SLC9C2: variants seen among roughly 807,000 people sequenced by gnomAD.
The protein encoded by SLC9C2 is sodium/hydrogen exchanger 11.
In SLC9C2, 75 loss-of-function variants were observed where a neutral mutation model predicts 140.2. That is an observed-to-expected ratio of 0.53 (90% CI 0.44 to 0.65). SLC9C2 has a LOEUF of 0.65. SLC9C2 is among the 30% of genes least tolerant of loss of function. The pLI, the probability that SLC9C2 is intolerant of heterozygous loss-of-function variation, is 0.00. For synonymous variants in SLC9C2, 375 were observed against 420.9 expected, an observed-to-expected ratio of 0.89 and a Z score of 1.34; for missense variants, 1,074 against 1,331.8, an observed-to-expected ratio of 0.81 and a Z score of 3.01.
chr1:173,501,151 C>A, intron 27 of SLC9C2, 54 bp from the exon 28 acceptor site: 1 of 1,467,492 alleles, frequency 6.8e-7, no homozygotes, highest in Non-Finnish European at 9.1e-7. Context: ...TCAGGAAAAA[C>A]TTCTTACCTA....
rs1313526475 is a variant in SLC9C2, at chr1:173,533,792, T to C, written c.1980A>G (p.Ile660Met). ...LYVLESTLKI[I>M]ILKRKYFQQC... ...GTTGAAAATATTTCCTTTTCAAAATTATTATCTGTACAGAAAACAAATGTC... is the reference window on the plus strand; with the variant it reads ...GTTGAAAATATTTCCTTTTCAAAATCATTATCTGTACAGAAAACAAATGTC... Residue 660 changes from isoleucine to methionine, a missense_variant, in exon 17 of 28, where the codon ATA becomes ATG. Transcript: ENST00000367714. 6.2e-7 allele frequency: 1 copy of C among 1,601,878 alleles called. No homozygotes were observed. Among genetic ancestry groups the C allele is most frequent in the African/African-American group, 1.3e-5 (1 of 74,308 alleles).
In SLC9C2 at chr1:173,548,416, T is replaced by G. The variant is rs950605603; in HGVS notation, c.1434A>C (p.Glu478Asp). Reference protein sequence around the residue: ...ILTNVNWTLVEDKTRIEYIPF... With the variant: ...ILTNVNWTLVDDKTRIEYIPF... ...GAATGTATTCGATCCTCGTTTTATC[T>G]TCTACTAAGGTCCAGTTAACATTTG... The change falls in exon 12 of 28, where the codon GAA becomes GAC. Residue 478 changes from glutamate to aspartate, a missense_variant. Glu to Asp is a conservative substitution (Grantham distance 45, BLOSUM62 2). Transcript: ENST00000367714. 15 of 1,613,290 alleles carry G rather than the reference T, an allele frequency of 9.3e-6. No homozygotes were observed. In the South Asian group the frequency reaches 1.5e-4, roughly 17 times the overall value.
At chr1:173,531,291 A>G (rs1661566109) in intron 17 of SLC9C2, among the ~76,000 whole-genome samples, 1 of 152,254 alleles carries the variant, frequency 6.6e-6, no homozygotes, top group Non-Finnish European at 1.5e-5. Context: ...TGACTAGTTC[A>G]GAACATTGCT....
intron 5 of SLC9C2, among the ~76,000 whole-genome samples, chr1:173,584,139 A>G (rs1308729519): frequency 6.6e-6 from 1 of 152,202 alleles, no homozygotes; most frequent in Non-Finnish European, 1.5e-5. Context: ...TATATGTGAT[A>G]TATCCCTAAA....
intron 19 of SLC9C2, among the ~76,000 whole-genome samples, chr1:173,525,719 A>G (rs1661146576): frequency 6.6e-6 from 1 of 152,232 alleles, no homozygotes; most frequent in Non-Finnish European, 1.5e-5. Context: ...TGCAGTAACC[A>G]CATGGAAACA....
At chr1:173,541,928 C>T (rs1662459955) in intron 13 of SLC9C2, among the ~76,000 whole-genome samples, 1 of 151,914 alleles carries the variant, frequency 6.6e-6, no homozygotes, top group African/African-American at 2.4e-5. Context: ...AAATCAATAC[C>T]CTAACATCAC....
chr1:173,540,898 A>T (rs1662347537), intron 13 of SLC9C2, among the ~76,000 whole-genome samples: 1 of 152,208 alleles, frequency 6.6e-6, no homozygotes, highest in Admixed American at 6.5e-5. Context: ...TAAAGACCAA[A>T]ACATGCCAAA....
intron 4 of SLC9C2, among the ~76,000 whole-genome samples, chr1:173,592,737 G>A (rs1231436466): frequency 1.3e-5 from 2 of 152,126 alleles, no homozygotes; most frequent in African/African-American, 4.8e-5. Flanking sequence ...TTATTTATCA[G>A]CTGAAGGAGA....
chr1:173,517,819 G>T (rs1660524189), intron 22 of SLC9C2, 115 bp from the exon 23 acceptor site: 2 of 871,010 alleles, frequency 2.3e-6, no homozygotes, highest in East Asian at 5.9e-5. Flanking sequence ...AAGATCTCCT[G>T]TCAGGTGTGA....
chr1:173,573,522 A>G (rs903659242), intron 8 of SLC9C2, among the ~76,000 whole-genome samples, 197 bp from the exon 9 acceptor site: 11 of 152,236 alleles, frequency 7.2e-5, no homozygotes, highest in Middle Eastern at 6.8e-3. Flanking sequence ...CATTACCTTC[A>G]TCACACCAAT....
intron 9 of SLC9C2, among the ~76,000 whole-genome samples, chr1:173,568,503 A>ATTACATT (rs1558075113): frequency 6.6e-6 from 1 of 152,108 alleles, no homozygotes; most frequent in Non-Finnish European, 1.5e-5. Flanking sequence ...GTGTATATGT[A>ATTACATT]TTACATTTTC....
chr1:173,583,144 T>A (rs899634209), intron 6 of SLC9C2, among the ~76,000 whole-genome samples: 10 of 152,230 alleles, frequency 6.6e-5, no homozygotes, highest in African/African-American at 2.2e-4. Flanking sequence ...TAAAATAGCA[T>A]ATTATTTGCA....
intron 4 of SLC9C2, among the ~76,000 whole-genome samples, chr1:173,597,588 G>T (rs1445009607): frequency 6.6e-6 from 1 of 152,070 alleles, no homozygotes; most frequent in Non-Finnish European, 1.5e-5. Flanking sequence ...TCAGATGTGG[G>T]ACTAGAATCC....
chr1:173,548,408 GTT>G lies in SLC9C2; in HGVS notation c.1440_1441del (p.Lys480AsnfsTer14). On this transcript the variant is annotated frameshift_variant, in exon 12 of 28. Coordinates refer to ENST00000367714, the MANE Select transcript of SLC9C2 (RefSeq NM_178527.4). LOFTEE classifies it high-confidence loss of function. ...ACTCACAGGAATGTATTCGATCCTC[GTT>G]TTATCTTCTACTAAGGTCCAGTTAA... The G allele has an allele frequency of 6.2e-7, 1 of 1,612,676 alleles. No homozygotes were observed.
intron 7 of SLC9C2, among the ~76,000 whole-genome samples, chr1:173,579,783 T>C (rs1485987367): frequency 2.0e-5 from 3 of 152,228 alleles, no homozygotes; most frequent in African/African-American, 2.4e-5. Context: ...GCATAAGGAA[T>C]TCATACTGCT....
intron 15 of SLC9C2, among the ~76,000 whole-genome samples, chr1:173,535,622 C>G (rs1483567108): frequency 6.6e-6 from 1 of 152,166 alleles, no homozygotes; most frequent in South Asian, 2.1e-4. Context: ...TATGAACATC[C>G]TTTTTCCCTT....
intron 9 of SLC9C2, among the ~76,000 whole-genome samples, chr1:173,564,406 C>G (rs1664313302): frequency 6.6e-6 from 1 of 152,132 alleles, no homozygotes; most frequent in African/African-American, 2.4e-5. Flanking sequence ...TAACTGGGAT[C>G]AGATGATATC....
chr1:173,566,073 A>G (rs1376706421), intron 9 of SLC9C2, among the ~76,000 whole-genome samples: 1 of 151,952 alleles, frequency 6.6e-6, no homozygotes, highest in Non-Finnish European at 1.5e-5. Context: ...TTGTTGAATT[A>G]TGTTTGCTTA....
In SLC9C2 at chr1:173,595,544, C is replaced by T. The variant is rs192012531; in HGVS notation, c.357+2360G>A. ...TACATAAGCCTATTGCCATACCAAA[C>T]GAAAAATTTTAACTTTCTGTAAGTG... On this transcript the variant is annotated intron_variant, in intron 4 of 27. Transcript: ENST00000367714. 1.3e-3 allele frequency among the ~76,000 whole-genome samples: 196 copies of T among 152,032 alleles called. 1 individual carries two copies. Among genetic ancestry groups the T allele is most frequent in the Non-Finnish European group, 2.4e-3 (162 of 67,994 alleles).
Sources: gnomAD v4.1 joint callset for allele counts (sites outside exome capture counted in the v4.1 genomes callset) on GRCh38, gnomAD v4.1.1 for gene constraint, MANE v1.5 for transcripts, NCBI Gene and HGNC (gene_info 2026-07-23, HGNC 2026-07-21) for gene names.